Variants in KALRN observed in about 807,000 individuals in gnomAD.
KALRN encodes kalirin.
In KALRN, 70 loss-of-function variants were observed where a neutral mutation model predicts 353.7. The ratio of observed to expected loss-of-function variants is 0.20; its 90% CI spans 0.16 to 0.24. KALRN has a LOEUF of 0.24. Ranked by LOEUF, KALRN falls within the 10% of genes least tolerant of loss-of-function variation. The pLI is 1.00. For missense variants in KALRN, 2,791 were observed against 3,756.7 expected (o/e 0.74, Z 6.72); for synonymous variants, 1,391 against 1,434.8 (o/e 0.97, Z 0.69).
At chr3:124,393,618 G>A (rs1327356564) in intron 11 of KALRN, among the ~76,000 whole-genome samples, 2 of 152,214 alleles carry the variant, frequency 1.3e-5, no homozygotes, top group Non-Finnish European at 2.9e-5. Context: ...TCAGCATAAT[G>A]CTGTAGGCTT....
At chr3:124,522,719 A>G (rs1210942579) in intron 33 of KALRN, among the ~76,000 whole-genome samples, 1 of 152,258 alleles carries the variant, frequency 6.6e-6, no homozygotes, top group East Asian at 1.9e-4. Flanking sequence ...CTGGTGGTCC[A>G]GGGACCACAG....
chr3:124,712,225 C>T (rs2062924558), intron 57 of KALRN, among the ~76,000 whole-genome samples: 1 of 152,170 alleles, frequency 6.6e-6, no homozygotes. Context: ...ATCCAATTTG[C>T]AATGGCTTTA....
At chr3:124,095,074 T>A (rs147075413) in intron 1 of KALRN, among the ~76,000 whole-genome samples, 320 of 152,076 alleles carry the variant, frequency 2.1e-3, no homozygotes, top group African/African-American at 7.4e-3. Context: ...AGAAAGGCTG[T>A]TTTTCTGGGG....
intron 3 of KALRN, among the ~76,000 whole-genome samples, chr3:124,245,638 A>T (rs6779809): frequency 0.67 from 102,065 of 151,338 alleles, 34,910 homozygotes; most frequent in East Asian, 1. Flanking sequence ...TTCTGCATCC[A>T]CCTCAGCATC....
chr3:124,485,406 A>G (rs1310991937), intron 28 of KALRN, among the ~76,000 whole-genome samples: 1 of 152,158 alleles, frequency 6.6e-6, no homozygotes, highest in African/African-American at 2.4e-5. Flanking sequence ...TAGACAAGGG[A>G]GAGAAGTTGA....
intron 1 of KALRN, among the ~76,000 whole-genome samples, chr3:124,127,696 T>C (rs2064843737): frequency 6.6e-6 from 1 of 152,204 alleles, no homozygotes; most frequent in Admixed American, 6.5e-5. Context: ...ACAGCTAATT[T>C]TATTGTTGGT....
chr3:124,521,944 CA>C (rs2067198611), intron 33 of KALRN, among the ~76,000 whole-genome samples: 1 of 152,036 alleles, frequency 6.6e-6, no homozygotes, highest in African/African-American at 2.4e-5. Flanking sequence ...CAGCAGTGAA[CA>C]AAACAGGCTG....
At chr3:124,231,172 G>A (rs1007039679) in intron 2 of KALRN, among the ~76,000 whole-genome samples, 12 of 152,190 alleles carry the variant, frequency 7.9e-5, no homozygotes, top group African/African-American at 1.7e-4. Context: ...GCATGTGGGC[G>A]TGTGCATGTC....
intron 1 of KALRN, among the ~76,000 whole-genome samples, chr3:124,092,864 C>T (rs975769930): frequency 6.6e-6 from 1 of 152,180 alleles, no homozygotes. Context: ...AAAGTACTGG[C>T]CACATGTGAG....
At chr3:124,483,757 G>A (rs1297499769) in intron 28 of KALRN, among the ~76,000 whole-genome samples, 1 of 152,110 alleles carries the variant, frequency 6.6e-6, no homozygotes, top group African/African-American at 2.4e-5. Flanking sequence ...CATGTTAGGG[G>A]TTCTTCTGGA....
At chr3:124,656,404 A>G (rs2150161834) in intron 39 of KALRN, among the ~76,000 whole-genome samples, 1 of 152,234 alleles carries the variant, frequency 6.6e-6, no homozygotes, top group East Asian at 1.9e-4. Context: ...AGGTCAGGAG[A>G]TCGAGACCGT....
intron 21 of KALRN, among the ~76,000 whole-genome samples, chr3:124,447,396 G>C (rs571282672): frequency 6.6e-6 from 1 of 152,232 alleles, no homozygotes; most frequent in East Asian, 1.9e-4. Flanking sequence ...CTGGGTCTCT[G>C]GGGAGCAAAA....
intron 1 of KALRN, among the ~76,000 whole-genome samples, chr3:124,089,034 C>T (rs1416033571): frequency 6.7e-6 from 1 of 148,438 alleles, no homozygotes; most frequent in African/African-American, 2.5e-5. Flanking sequence ...GTATACTTTC[C>T]ATAAAAAGAA....
intron 5 of KALRN, among the ~76,000 whole-genome samples, chr3:124,280,141 A>T (rs2075193677): frequency 6.6e-6 from 1 of 152,338 alleles, no homozygotes; most frequent in African/African-American, 2.4e-5. Flanking sequence ...GCATCTGAGA[A>T]TCCTAAAGTC....
chr3:124,171,593 G>A (rs957034037), intron 1 of KALRN, among the ~76,000 whole-genome samples: 3 of 152,020 alleles, frequency 2.0e-5, no homozygotes, highest in African/African-American at 7.2e-5. Flanking sequence ...AGACTGAGGG[G>A]GTAGCAAAAT....
intron 14 of KALRN, among the ~76,000 whole-genome samples, chr3:124,419,007 G>C (rs2092650504): frequency 6.6e-6 from 1 of 151,780 alleles, no homozygotes; most frequent in South Asian, 2.1e-4. Flanking sequence ...AGGAGGCAGA[G>C]GTTGCAGTGA....
intron 34 of KALRN, among the ~76,000 whole-genome samples, chr3:124,567,537 C>G (rs775933024): frequency 6.6e-6 from 1 of 152,174 alleles, no homozygotes; most frequent in Non-Finnish European, 1.5e-5. Context: ...TACTGCCACT[C>G]TGACATCTTA....
At chr3:124,153,882 T>C (rs900878537) in intron 1 of KALRN, among the ~76,000 whole-genome samples, 1 of 152,050 alleles carries the variant, frequency 6.6e-6, no homozygotes, top group Non-Finnish European at 1.5e-5. Context: ...TGATGAGCAT[T>C]TTTTCATGTG....
intron 3 of KALRN, among the ~76,000 whole-genome samples, chr3:124,236,065 T>C (rs943334726): frequency 1.3e-5 from 2 of 152,000 alleles, no homozygotes; most frequent in African/African-American, 4.8e-5. Flanking sequence ...CATCACATGC[T>C]TGGAAGGATG....
Sources: allele counts gnomAD v4.1 joint callset (sites outside exome capture counted in the v4.1 genomes callset), GRCh38; gene constraint gnomAD v4.1.1; transcripts MANE v1.5; gene names NCBI Gene and HGNC (gene_info 2026-07-23, HGNC 2026-07-21).